ZNF415: variants seen among roughly 807,000 people sequenced by gnomAD.
The protein encoded by ZNF415 is zinc finger protein 415.
Under a neutral mutation model 7.3 loss-of-function variants are expected in ZNF415, and 5 were observed. The observed-to-expected ratio is 0.69, with a 90% CI of 0.36 to 1.44. ZNF415 has a LOEUF of 1.44. Ranked by LOEUF, ZNF415 falls within the 40% of genes most tolerant of loss-of-function variation. The probability of loss-of-function intolerance (pLI) is 0.04; values close to 1 mark genes in which losing one functional copy is unlikely to be tolerated. For synonymous variants in ZNF415, 207 were observed against 226.3 expected (o/e 0.91, Z 0.77); for missense variants, 628 against 664.8 (o/e 0.94, Z 0.61).
In ZNF415 at chr19:53,122,576, CAG is replaced by C. The variant is rs1434366430; in HGVS notation, c.15+84_15+85del. On this transcript the variant is annotated intron_variant, in intron 2 of 3. Transcript: ENST00000243643. ...CGCGTCAGGCAGGATGCTTCAGACTCAGAGAAGATTTGCAGCTCCAAGGCATT... is the reference window on the plus strand; with the variant it reads ...CGCGTCAGGCAGGATGCTTCAGACTCAGAAGATTTGCAGCTCCAAGGCATT... 7 of 1,607,630 alleles carry C rather than the reference CAG, an allele frequency of 4.4e-6. No homozygotes were observed. In the Admixed American group the frequency reaches 1.2e-4, roughly 27 times the overall value.
chr19:53,111,804 T>A (rs940476444), intron 3 of ZNF415, among the ~76,000 whole-genome samples: 2 of 152,200 alleles, frequency 1.3e-5, no homozygotes, highest in Non-Finnish European at 2.9e-5. Context: ...CACCTTGTTT[T>A]AAAAACTTTC....
chr19:53,108,869 G>A lies in ZNF415; in HGVS notation c.1176C>T (p.Val392=), dbSNP rs779635181. 3 of 1,613,884 alleles carry A rather than the reference G, an allele frequency of 1.9e-6. No homozygotes were observed. The highest frequency in any genetic ancestry group is 3.3e-5 in the Admixed American group (2 of 59,992). The change falls in exon 4 of 4, where the codon GTC becomes GTT. Residue 392 remains valine, a synonymous_variant. Coordinates refer to ENST00000243643, the MANE Select transcript of ZNF415 (RefSeq NM_018355.4). ...TTGCAAGGCTTGAAGTCTGACTGAA[G>A]ACTTTACCACATTCATTACACTTGT... is the stretch of plus-strand genomic sequence containing the variant. ...KPYKCNECGK[V]FSQTSSLARH...
intron 2 of ZNF415, among the ~76,000 whole-genome samples, chr19:53,120,057 C>G (rs1422943152): frequency 6.6e-6 from 1 of 151,410 alleles, no homozygotes; most frequent in African/African-American, 2.4e-5. Flanking sequence ...TTCCCGATAT[C>G]AAACCAGAAA....
In ZNF415 at chr19:53,108,080, T is replaced by A. The variant is rs1227714889; in HGVS notation, c.*297A>T. 1 of 357,536 alleles carries A rather than the reference T, an allele frequency of 2.8e-6. No individual in the cohort carries two copies. The highest frequency in any genetic ancestry group is 2.1e-5 in the African/African-American group (1 of 47,804). 22.1% of individuals were successfully genotyped at this position (357,536 alleles called of 1,614,324 possible). ...TCAACATGCACAAAATATACAAAGATGTTTACACATTTTGATGTCTAGTGA... is the reference window on the plus strand; with the variant it reads ...TCAACATGCACAAAATATACAAAGAAGTTTACACATTTTGATGTCTAGTGA... On this transcript the variant is annotated 3_prime_UTR_variant, in exon 4 of 4. Coordinates refer to ENST00000243643, the MANE Select transcript of ZNF415 (RefSeq NM_018355.4).
At chr19:53,113,522 A>C (rs555355246) in intron 3 of ZNF415, among the ~76,000 whole-genome samples, 279 of 27,494 alleles carry the variant, frequency 0.01, 58 homozygotes, top group African/African-American at 0.033. Context: ...AAAAAAAAAA[A>C]AAAAAAAAAA....
chr19:53,117,325 C>T (rs1056372182), intron 2 of ZNF415, among the ~76,000 whole-genome samples: 5 of 151,930 alleles, frequency 3.3e-5, no homozygotes, highest in East Asian at 3.9e-4. Context: ...CCTGTAATCC[C>T]AGCTACTCGG....
chr19:53,115,854 A>G, intron 3 of ZNF415: 2 of 1,458,162 alleles, frequency 1.4e-6, no homozygotes, highest in Non-Finnish European at 9.4e-7. Context: ...TGAATGGAAC[A>G]TGATGTGCTG....
chr19:53,121,733 C>A (rs2088110806), intron 2 of ZNF415, among the ~76,000 whole-genome samples: 1 of 152,002 alleles, frequency 6.6e-6, no homozygotes. Context: ...TACAGTTACA[C>A]TTTTATGTTG....
rs749433585 is a variant in ZNF415 at position 53,122,673 on chromosome 19, C to A, written c.4G>T (p.Ala2Ser). 3 of 1,614,044 alleles carry A rather than the reference C, an allele frequency of 1.9e-6. No individual in the cohort carries two copies. The African/African-American group carries it at 4.0e-5, about 22-fold the overall frequency. Residue 2 changes from alanine (A) to serine (S), a missense_variant, in exon 2 of 4, where the codon GCT (alanine) becomes TCT (serine). By Grantham distance (99) the Ala-to-Ser change is moderately conservative. Transcript: ENST00000243643. The stretch of plus-strand genomic sequence containing the variant: ...GAATCTTTCTTTACCTGAGTAAAAG[C>A]CATTCCTGACTCCTTTGCTCTCCTC... M[A>S]FTQLTFRDVA...
At chr19:53,126,920 C>T (rs1193653591) in intron 1 of ZNF415, among the ~76,000 whole-genome samples, 1 of 103,790 alleles carries the variant, frequency 9.6e-6, no homozygotes, top group African/African-American at 3.4e-5. Context: ...CCATGTTCCA[C>T]AGCGGGTTTC....
rs548467802 is a variant in ZNF415, at chr19:53,115,322, C to T, written c.136+991G>A. The T allele has an allele frequency of 4.2e-4, 82 of 193,092 alleles. 1 individual carries two copies. The South Asian group carries it at 7.4e-3, about 17-fold the overall frequency. The allele number at this position is 193,092 out of a possible 1,614,324, so 12.0% of individuals were successfully genotyped here. A position where few individuals can be genotyped will look rare whatever the true frequency, so the allele number is the denominator to read the frequency against. On this transcript the variant is annotated intron_variant, in intron 3 of 3. Coordinates refer to ENST00000243643, the MANE Select transcript of ZNF415 (RefSeq NM_018355.4). ...TGCACTCCAGCCTGGGCAATAAGAG[C>T]GAAACTCCATCTCAAAAAAAAAAGA...
At chr19:53,111,052 G>T (rs1036558465) in intron 3 of ZNF415, among the ~76,000 whole-genome samples, 1 of 152,182 alleles carries the variant, frequency 6.6e-6, no homozygotes, top group African/African-American at 2.4e-5. Context: ...GTCTGAATAT[G>T]TTGGCCAAAA....
intron 1 of ZNF415, among the ~76,000 whole-genome samples, chr19:53,129,346 G>A (rs1288078556): frequency 2.0e-5 from 3 of 152,156 alleles, no homozygotes; most frequent in East Asian, 1.9e-4. Flanking sequence ...AGGGTTCCCT[G>A]CCAGGGACTG....
At chr19:53,122,202 C>T (rs1347749409) in intron 2 of ZNF415, among the ~76,000 whole-genome samples, 2 of 152,074 alleles carry the variant, frequency 1.3e-5, no homozygotes, top group Non-Finnish European at 2.9e-5. Context: ...GCCGAGATTG[C>T]GCCATTGCAC....
intron 2 of ZNF415, among the ~76,000 whole-genome samples, chr19:53,119,126 A>T (rs2087538516): frequency 6.6e-6 from 1 of 151,934 alleles, no homozygotes; most frequent in African/African-American, 2.4e-5. Context: ...AAAAAAATAC[A>T]AAAAAATTAG....
At chr19:53,109,999 AT>A in intron 3 of ZNF415, 91 bp from the exon 4 acceptor site, 2 of 1,028,162 alleles carry the variant, frequency 1.9e-6, no homozygotes, top group South Asian at 1.9e-5. Context: ...AAAAAGCAAC[AT>A]TTATATACAA....
At chr19:53,122,398 C>T (rs1050050318) in intron 2 of ZNF415, 1 of 1,536,688 alleles carries the variant, frequency 6.5e-7, no homozygotes, top group African/African-American at 1.4e-5. Flanking sequence ...ACCACGGGAC[C>T]CTCACCCCGT....
chr19:53,131,181 G>T (rs2090031162), intron 1 of ZNF415, among the ~76,000 whole-genome samples: 1 of 146,684 alleles, frequency 6.8e-6, no homozygotes, highest in South Asian at 2.2e-4. Flanking sequence ...CCAAAAGATT[G>T]GACACCCCTG....
At position 53,125,923 on chromosome 19, in the gene ZNF415, G is replaced by A. The variant is rs555401390; in HGVS notation, c.-67-3180C>T. Among the ~76,000 whole-genome samples the A allele has an allele frequency of 2.6e-5, 4 of 151,214 alleles. No homozygotes were observed. The East Asian group carries it at 5.9e-4, about 22-fold the overall frequency. ...ACTGCACTACAGCCTGGGCAAGAGT[G>A]AGACTCCATCTCAAAAAATAAAATA... On this transcript the variant is annotated intron_variant, in intron 1 of 3. Transcript: ENST00000243643.
Sources: gnomAD v4.1 joint callset for allele counts (sites outside exome capture counted in the v4.1 genomes callset) on GRCh38, gnomAD v4.1.1 for gene constraint, MANE v1.5 for transcripts, NCBI Gene and HGNC (gene_info 2026-07-23, HGNC 2026-07-21) for gene names.